The following ZNF445 variants were observed in gnomAD, a reference collection of about 807,000 sequenced individuals.
The protein encoded by ZNF445 is zinc finger protein 445.
In ZNF445, 19 loss-of-function variants were observed where a neutral mutation model predicts 93.9. The observed-to-expected ratio is 0.20, with a 90% CI of 0.14 to 0.30. The LOEUF (loss-of-function observed/expected upper bound fraction) is 0.30. Among genes scored for constraint, ZNF445 ranks in the 10% least tolerant of loss-of-function variants. ZNF445 has a pLI of 1.00. For synonymous variants in ZNF445, 449 were observed against 446.3 expected, an observed-to-expected ratio of 1.01 and a Z score of -0.08; for missense variants, 1,058 against 1,259.4, an observed-to-expected ratio of 0.84 and a Z score of 2.42.
At chr3:44,469,368 T>C (rs973075700) in intron 1 of ZNF445, among the ~76,000 whole-genome samples, 3 of 152,196 alleles carry the variant, frequency 2.0e-5, no homozygotes, top group African/African-American at 7.2e-5. Flanking sequence ...GGTGTGTGTA[T>C]ACACGCTTCA....
At chr3:44,467,801 T>C (rs1013418734) in intron 1 of ZNF445, among the ~76,000 whole-genome samples, 35 of 152,308 alleles carry the variant, frequency 2.3e-4, no homozygotes, top group African/African-American at 8.2e-4. Flanking sequence ...AAAATGGGGA[T>C]TGGAGAGAGA....
In ZNF445 at chr3:44,450,922, C is replaced by A. The variant is rs762912766; in HGVS notation, c.639G>T (p.Glu213Asp). The change falls in exon 5 of 8, where the codon GAG becomes GAT. Residue 213 changes from glutamate to aspartate, a missense_variant. By Grantham distance (45) the Glu-to-Asp change is conservative (BLOSUM62 2). Transcript: ENST00000396077. ...GTGTTACCTGGTCTCCCGGGCACCCCTCTCTCGGGAAAAGGGCAGGCATCT... is the reference window on the plus strand; with the variant it reads ...GTGTTACCTGGTCTCCCGGGCACCCATCTCTCGGGAAAAGGGCAGGCATCT... ...AAQMPALFPR[E>D]GCPGDQVTPT... 25 of 1,599,644 alleles carry A rather than the reference C, an allele frequency of 1.6e-5. No homozygotes were observed. In the South Asian group the frequency reaches 2.8e-4, roughly 18 times the overall value.
intron 3 of ZNF445, chr3:44,454,777 C>T (rs1489873332): frequency 3.0e-6 from 1 of 331,404 alleles, no homozygotes; most frequent in African/African-American, 2.1e-5. Context: ...CCTATGTTGT[C>T]CAGGCTGGCT....
At chr3:44,473,181 G>C (rs1057375857) in intron 1 of ZNF445, among the ~76,000 whole-genome samples, 1 of 152,088 alleles carries the variant, frequency 6.6e-6, no homozygotes, top group African/African-American at 2.4e-5. Flanking sequence ...ATGCAGGCCG[G>C]GCGCAGTGGC....
intron 1 of ZNF445, among the ~76,000 whole-genome samples, chr3:44,468,488 G>A (rs1414513368): frequency 6.6e-6 from 1 of 152,106 alleles, no homozygotes; most frequent in Non-Finnish European, 1.5e-5. Context: ...ACTAACATTA[G>A]CCACAAGATT....
intron 3 of ZNF445, among the ~76,000 whole-genome samples, chr3:44,452,397 T>A (rs931463994): frequency 6.6e-6 from 1 of 151,464 alleles, no homozygotes; most frequent in Non-Finnish European, 1.5e-5. Flanking sequence ...GCAAAACAAG[T>A]TTAAGGACAA....
chr3:44,450,631 G>C, intron 5 of ZNF445, 58 bp from the exon 6 acceptor site: 2 of 1,582,488 alleles, frequency 1.3e-6, no homozygotes, highest in South Asian at 1.2e-5. Context: ...AGGTGGAAAG[G>C]GAGAGAAGGG....
At position 44,447,441 on chromosome 3, in the gene ZNF445, T is replaced by A; in HGVS notation, c.2230A>T (p.Ser744Cys). 1.2e-6 allele frequency: 2 copies of A among 1,614,220 alleles called. No homozygotes were observed. Among genetic ancestry groups the A allele is most frequent in the Non-Finnish European group, 1.7e-6 (2 of 1,180,030 alleles). ...KRKPEGGPSF[S>C]QDTVFQVPQS... Reference sequence around the variant, plus strand: ...GGAACCTGGAACACTGTGTCCTGACTAAAAGATGGCCCGCCCTCAGGTTTT... The same window carrying A: ...GGAACCTGGAACACTGTGTCCTGACAAAAAGATGGCCCGCCCTCAGGTTTT... Residue 744 changes from serine to cysteine, a missense_variant, in exon 8 of 8, where the codon AGT (serine) becomes TGT (cysteine). Physicochemically the swap from Ser to Cys is moderately radical, Grantham distance 112 (BLOSUM62 -1). Transcript: ENST00000396077. The surrounding 1 kb of genome is among the most constrained non-coding windows in gnomAD (Gnocchi z 4.7).
intron 1 of ZNF445, among the ~76,000 whole-genome samples, chr3:44,465,477 C>T (rs1354682031): frequency 6.6e-6 from 1 of 152,154 alleles, no homozygotes; most frequent in Non-Finnish European, 1.5e-5. Context: ...AAAATCTGGG[C>T]CCAAGTGTCC....
At chr3:44,471,122 C>T (rs1698262923) in intron 1 of ZNF445, among the ~76,000 whole-genome samples, 3 of 152,080 alleles carry the variant, frequency 2.0e-5, no homozygotes, top group African/African-American at 7.3e-5. Context: ...CATTAATGTT[C>T]CACAGACACA....
intron 1 of ZNF445, among the ~76,000 whole-genome samples, chr3:44,476,354 C>T (rs1019842228): frequency 1.1e-4 from 17 of 149,010 alleles, no homozygotes; most frequent in African/African-American, 3.7e-4. Context: ...CTCATCTTTT[C>T]GGCTTACAGT....
At chr3:44,458,464 TGG>T in intron 1 of ZNF445, 100 bp from the exon 2 acceptor site, 1 of 152,158 alleles carries the variant, frequency 6.6e-6, no homozygotes, top group Non-Finnish European at 1.5e-5. Flanking sequence ...ATATACACAT[TGG>T]TTTTTATCCA....
chr3:44,447,343 G>C lies in ZNF445; in HGVS notation c.2328C>G (p.Phe776Leu), dbSNP rs564187741. ...QCGKAFRNHSFLLIHQRVHTG... is the reference protein window; with the variant it reads ...QCGKAFRNHSLLLIHQRVHTG... ...TGTGAACTCTCTGATGGATGAGGAG[G>C]AATGAGTGATTGCGGAAGGCCTTGC... The change falls in exon 8 of 8, where the codon TTC becomes TTG. Residue 776 changes from phenylalanine to leucine, a missense_variant. By Grantham distance (22) the Phe-to-Leu change is conservative (BLOSUM62 0). Transcript: ENST00000396077. The surrounding 1 kb of genome is among the most constrained non-coding windows in gnomAD (Gnocchi z 4.7). 11 of 1,614,056 alleles carry C rather than the reference G, an allele frequency of 6.8e-6. No homozygotes were observed. Among genetic ancestry groups the C allele is most frequent in the Non-Finnish European group, 9.3e-6 (11 of 1,180,036 alleles).
rs537578830 is a variant in ZNF445 at position 44,470,288 on chromosome 3, A to G, written c.-269+7303T>C. On this transcript the variant is annotated intron_variant, in intron 1 of 7. Transcript: ENST00000396077. ...CTGTGCACGACTGCTTTTCCCAACA[A>G]TAACAAAAATATGTGCTAAGTTTGA... 6.3e-4 allele frequency among the ~76,000 whole-genome samples: 96 copies of G among 152,326 alleles called. 1 individual carries two copies. Among genetic ancestry groups the G allele is most frequent in the Admixed American group, 1.8e-3 (27 of 15,304 alleles).
chr3:44,432,038 G>C lies in ZNF445; in HGVS notation c.*14537C>G, dbSNP rs1697560876. On this transcript the variant is annotated 3_prime_UTR_variant, in exon 8 of 8. Transcript: ENST00000396077. ...TCTTAGCCTCCCAGCTGGGATTACAGGCATGAGCCACTGCACGTGGCTACA... is the reference window on the plus strand; with the variant it reads ...TCTTAGCCTCCCAGCTGGGATTACACGCATGAGCCACTGCACGTGGCTACA... 6.6e-6 allele frequency: 1 copy of C among 152,108 alleles called. No individual in the cohort carries two copies. The highest frequency in any genetic ancestry group is 1.5e-5 in the Non-Finnish European group (1 of 68,038). The allele number at this position is 152,108 out of a possible 1,614,324, so 9.4% of individuals were successfully genotyped here.
chr3:44,469,306 C>T (rs907856077), intron 1 of ZNF445, among the ~76,000 whole-genome samples: 1 of 152,166 alleles, frequency 6.6e-6, no homozygotes, highest in African/African-American at 2.4e-5. Context: ...CAGCCACTTG[C>T]AATGTGTTGG....
chr3:44,461,070 T>C (rs1013700178), intron 1 of ZNF445, among the ~76,000 whole-genome samples: 2 of 152,206 alleles, frequency 1.3e-5, no homozygotes, highest in African/African-American at 4.8e-5. Context: ...CCCTTAACTG[T>C]AGCCCTACCA....
Position 44,439,188 on chromosome 3 carries a change from T to C in ZNF445, c.*7387A>G, listed in dbSNP as rs1472827422. On this transcript the variant is annotated 3_prime_UTR_variant, in exon 8 of 8. Coordinates refer to ENST00000396077, the MANE Select transcript of ZNF445 (RefSeq NM_181489.6). ...AGCTGGGTGTGGTGGTGCACGCTTG[T>C]AGTCCCAGCTAGTCAGGAGGCTGAG... The C allele has an allele frequency of 6.6e-6, 1 of 151,416 alleles. No individual in the cohort carries two copies. The highest frequency in any genetic ancestry group is 2.4e-5 in the African/African-American group (1 of 41,198). 9.4% of individuals were successfully genotyped at this position (151,416 alleles called of 1,614,324 possible).
At chr3:44,468,061 C>G (rs995774647) in intron 1 of ZNF445, among the ~76,000 whole-genome samples, 1 of 152,194 alleles carries the variant, frequency 6.6e-6, no homozygotes, top group Non-Finnish European at 1.5e-5. Context: ...TCTAGCCATG[C>G]AAGCCATGAA....
Sources: gnomAD v4.1 joint callset for allele counts (sites outside exome capture counted in the v4.1 genomes callset) on GRCh38, gnomAD v4.1.1 for gene constraint, Gnocchi (gnomAD v3.1) non-coding constraint, MANE v1.5 for transcripts, NCBI Gene and HGNC (gene_info 2026-07-23, HGNC 2026-07-21) for gene names.